ARHGAP30: variants seen among roughly 807,000 people sequenced by gnomAD.
ARHGAP30 encodes rho GTPase-activating protein 30.
In ARHGAP30, 23 loss-of-function variants were observed where a neutral mutation model predicts 72.0. The observed-to-expected ratio is 0.32, with a 90% CI of 0.23 to 0.45. The LOEUF (loss-of-function observed/expected upper bound fraction) is 0.45, where lower values mean the gene tolerates loss of function less well. Ranked by LOEUF, ARHGAP30 falls within the 20% of genes least tolerant of loss-of-function variation. The pLI, the probability that ARHGAP30 is intolerant of heterozygous loss-of-function variation, is 1.00. For missense variants in ARHGAP30, 1,319 were observed against 1,383.4 expected (o/e 0.95, Z 0.74); for synonymous variants, 576 against 528.2 (o/e 1.09, Z -1.24).
rs755221566 is a variant in ARHGAP30, at chr1:161,051,673, G to A, written c.1061C>T (p.Pro354Leu). Residue 354 changes from proline to leucine, a missense_variant, in exon 10 of 12, where the codon CCA becomes CTA. By Grantham distance (98) the Pro-to-Leu change is moderately conservative. Coordinates refer to ENST00000368013, the MANE Select transcript of ARHGAP30 (RefSeq NM_001025598.2). Reference protein sequence around the residue: ...LVGPSSPRPSPLLPESLENDS... With the variant: ...LVGPSSPRPSLLLPESLENDS... ...GTTCTCCAAGCTCTCAGGCAGCAAT[G>A]GGCTTGGCCGGGGGCTGCTGGGCCC... 1 of 1,612,552 alleles carries A rather than the reference G, an allele frequency of 6.2e-7. No individual in the cohort carries two copies. The highest frequency in any genetic ancestry group is 1.7e-5 in the Admixed American group (1 of 60,016).
intron 1 of ARHGAP30, among the ~76,000 whole-genome samples, chr1:161,068,876 T>C (rs912446579): frequency 2.0e-5 from 3 of 152,068 alleles, no homozygotes; most frequent in African/African-American, 7.2e-5. Context: ...CTCTCTTTCA[T>C]TCTTCCCCAT....
Position 161,052,372 on chromosome 1 carries a change from C to G in ARHGAP30, c.941-9G>C, listed in dbSNP as rs763375850. ...CTTGTTGGATTTATCCTCTGTAAGA[C>G]AGGGATGTGTGTAGAGCCAGGGCCT... is the stretch of plus-strand genomic sequence containing the variant. On this transcript the variant is annotated splice_polypyrimidine_tract_variant and intron_variant, in intron 8 of 11. Transcript: ENST00000368013. 6.2e-7 allele frequency: 1 copy of G among 1,614,068 alleles called. No individual in the cohort carries two copies. Among genetic ancestry groups the G allele is most frequent in the Non-Finnish European group, 8.5e-7 (1 of 1,180,022 alleles).
Position 161,053,240 on chromosome 1 carries a change from G to A in ARHGAP30, c.664+18C>T, listed in dbSNP as rs759253254. ...CTCCCCAACAGTGGGATATGTGGAG[G>A]GCAGGAAGGACACTGACCAGAGAGG... On this transcript the variant is annotated intron_variant, in intron 6 of 11. Transcript: ENST00000368013. 1.2e-6 allele frequency: 2 copies of A among 1,613,404 alleles called. No homozygotes were observed. The highest frequency in any genetic ancestry group is 2.2e-5 in the East Asian group (1 of 44,868).
chr1:161,055,886 T>A (rs376885714), intron 3 of ARHGAP30, among the ~76,000 whole-genome samples: 162 of 54,836 alleles, frequency 3.0e-3, no homozygotes, highest in Middle Eastern at 9.4e-3. Flanking sequence ...AAAATAAAAA[T>A]AAATAAAATA....
rs1553217361 is a variant in ARHGAP30 at position 161,053,506 on chromosome 1, C to CTT, written c.537-122_537-121insAA. 1.7e-5 allele frequency: 14 copies of CTT among 842,992 alleles called. No homozygotes were observed. In the African/African-American group the frequency reaches 7.2e-4, roughly 44 times the overall value. 52.2% of individuals were successfully genotyped at this position (842,992 alleles called of 1,614,324 possible). Reference sequence around the variant, plus strand: ...TCTCTCTCTCTCTCTCTCTCTCTCTCGAATGACCTTAACCCCTTCTCTACC... The same window carrying CTT: ...TCTCTCTCTCTCTCTCTCTCTCTCTCTTGAATGACCTTAACCCCTTCTCTACC... On this transcript the variant is annotated intron_variant, in intron 5 of 11. Coordinates refer to ENST00000368013, the MANE Select transcript of ARHGAP30 (RefSeq NM_001025598.2).
In ARHGAP30 at chr1:161,047,610, A is replaced by G; in HGVS notation, c.*105T>C. 1 of 1,274,368 alleles carries G rather than the reference A, an allele frequency of 7.8e-7. No individual in the cohort carries two copies. Among genetic ancestry groups the G allele is most frequent in the African/African-American group, 1.5e-5 (1 of 66,548 alleles). 78.9% of individuals were successfully genotyped at this position (1,274,368 alleles called of 1,614,324 possible). On this transcript the variant is annotated 3_prime_UTR_variant, in exon 12 of 12. Transcript: ENST00000368013. ...GAAGCTGGAGGGCCAAAGCCTATAG[A>G]GTTGGGCACTACAGCTGCTCATGCT...
intron 9 of ARHGAP30, among the ~76,000 whole-genome samples, chr1:161,051,920 C>A (rs2102035297): frequency 6.6e-6 from 1 of 152,090 alleles, no homozygotes; most frequent in South Asian, 2.1e-4. Context: ...CCTTCACATA[C>A]CTAGGGAACT....
rs150017851 is a variant in ARHGAP30, at chr1:161,049,495, C to T, written c.1615G>A (p.Ala539Thr). The T allele has an allele frequency of 1.6e-5, 26 of 1,613,998 alleles. 1 individual carries two copies. In the African/African-American group the frequency reaches 2.3e-4, roughly 14 times the overall value. The change falls in exon 11 of 12, where the codon GCA becomes ACA. Residue 539 changes from alanine to threonine, a missense_variant. Physicochemically the swap from Ala to Thr is moderately conservative, Grantham distance 58. Around this residue, in one of 2 missense-constraint regions of ARHGAP30, gnomAD observed 1,097 missense variants for 1,045.2 expected, o/e 1.05. Coordinates refer to ENST00000368013, the MANE Select transcript of ARHGAP30 (RefSeq NM_001025598.2). Reference protein sequence around the residue: ...GEVAQAEAAGAAFSPGEDDPG... With the variant: ...GEVAQAEAAGTAFSPGEDDPG... ...TCGTCCTCCCCAGGGGAGAAGGCTGCTCCTGCTGCTTCTGCCTGGGCCACC... is the reference window on the plus strand; with the variant it reads ...TCGTCCTCCCCAGGGGAGAAGGCTGTTCCTGCTGCTTCTGCCTGGGCCACC...
Position 161,053,349 on chromosome 1 carries a change from T to G in ARHGAP30, c.573A>C (p.Thr191=). 6.2e-7 allele frequency: 1 copy of G among 1,614,076 alleles called. No homozygotes were observed. The highest frequency in any genetic ancestry group is 8.5e-7 in the Non-Finnish European group (1 of 1,180,038). The change falls in exon 6 of 12, where the codon ACA becomes ACC. Residue 191 remains threonine (T), a synonymous_variant. Coordinates refer to ENST00000368013, the MANE Select transcript of ARHGAP30 (RefSeq NM_001025598.2). ...GTACCCGCACCTCCATGAAGGCCGC[T>G]GTCCCATTGAAGCCTGAGGCCTCTA... ...KDIEASGFNG[T]AAFMEVRVQS...
intron 3 of ARHGAP30, among the ~76,000 whole-genome samples, chr1:161,055,822 TAA>T (rs1163663323): frequency 1.6e-4 from 6 of 38,256 alleles, no homozygotes; most frequent in East Asian, 1.4e-3. Flanking sequence ...TAAAATAAAA[TAA>T]AATAAAATAA....
chr1:161,052,838 A>G, intron 6 of ARHGAP30, 41 bp from the exon 7 acceptor site: 1 of 1,596,526 alleles, frequency 6.3e-7, no homozygotes, highest in Non-Finnish European at 8.5e-7. Context: ...GAACAGAGCC[A>G]AGAGAGGGAC....
chr1:161,069,746 C>T lies in ARHGAP30; in HGVS notation c.-122G>A. 9.2e-7 allele frequency: 1 copy of T among 1,088,208 alleles called. No individual in the cohort carries two copies. The highest frequency in any genetic ancestry group is 1.3e-6 in the Non-Finnish European group (1 of 754,026). 67.4% of individuals were successfully genotyped at this position (1,088,208 alleles called of 1,614,324 possible). ...CCCGGCCCCAGGGGGGCAGGGCTCC[C>T]AATTGGGGGTGGAGGGTGGCCTGGG... On this transcript the variant is annotated 5_prime_UTR_variant, in exon 1 of 12. Transcript: ENST00000368013. The surrounding 1 kb of genome is among the most constrained non-coding windows in gnomAD (Gnocchi z 4.9).
chr1:161,053,083 CAGA>C (rs1216935850), intron 6 of ARHGAP30, 172 bp downstream of exon 6: 10 of 1,005,874 alleles, frequency 9.9e-6, no homozygotes, highest in Admixed American at 8.4e-5. Context: ...AGACTGACAG[CAGA>C]AGAAGTCTTC....
At chr1:161,053,149 A>G (rs1424204689) in intron 6 of ARHGAP30, 109 bp downstream of exon 6, 3 of 1,496,320 alleles carry the variant, frequency 2.0e-6, no homozygotes, top group Non-Finnish European at 1.8e-6. Flanking sequence ...TGTGGCCACT[A>G]CCAACATCCC....
Position 161,048,232 on chromosome 1 carries a change from T to A in ARHGAP30, c.2789A>T (p.Gln930Leu). Reference protein sequence around the residue: ...VGMRLASTLVQVQQVRSVPVV... With the variant: ...VGMRLASTLVLVQQVRSVPVV... ...AGGCACAGAGCGGACCTGTTGGACC[T>A]GAACCAGAGTGGAAGCTAGACGCAT... The change falls in exon 12 of 12, where the codon CAG (glutamine) becomes CTG (leucine). Residue 930 changes from glutamine (Q) to leucine (L), a missense_variant. Coordinates refer to ENST00000368013, the MANE Select transcript of ARHGAP30 (RefSeq NM_001025598.2). 1.2e-6 allele frequency: 2 copies of A among 1,614,176 alleles called. No individual in the cohort carries two copies. The highest frequency in any genetic ancestry group is 1.7e-6 in the Non-Finnish European group (2 of 1,180,020).
chr1:161,067,295 A>G (rs1034500148), intron 1 of ARHGAP30, among the ~76,000 whole-genome samples: 1 of 152,134 alleles, frequency 6.6e-6, no homozygotes. Context: ...ACAATCGGCC[A>G]GGTGCGGTGG....
At chr1:161,053,135 T>C (rs1651543260) in intron 6 of ARHGAP30, 123 bp downstream of exon 6, 2 of 1,404,652 alleles carry the variant, frequency 1.4e-6, no homozygotes, top group African/African-American at 2.9e-5. Flanking sequence ...CAGGGTTCTC[T>C]CCATGTGGCC....
At chr1:161,059,777 A>G (rs1349494235) in intron 1 of ARHGAP30, 61 bp from the exon 2 acceptor site, 10 of 1,421,444 alleles carry the variant, frequency 7.0e-6, no homozygotes, top group Non-Finnish European at 9.7e-6. Flanking sequence ...CAAAGACTGC[A>G]CTGGGTCTGA....
chr1:161,051,551 C>T lies in ARHGAP30; in HGVS notation c.1183G>A (p.Ala395Thr). ...EPGTPRAGRSAIRAGGSSRAE... is the reference protein window; with the variant it reads ...EPGTPRAGRSTIRAGGSSRAE... ...CGGCTGCTGCCCCCAGCCCGGATGGCTGACCGCCCAGCTCGTGGTGTGCCT... is the reference window on the plus strand; with the variant it reads ...CGGCTGCTGCCCCCAGCCCGGATGGTTGACCGCCCAGCTCGTGGTGTGCCT... The change falls in exon 10 of 12, where the codon GCC becomes ACC. Residue 395 changes from alanine (A) to threonine (T), a missense_variant. Coordinates refer to ENST00000368013, the MANE Select transcript of ARHGAP30 (RefSeq NM_001025598.2). 1 of 1,614,150 alleles carries T rather than the reference C, an allele frequency of 6.2e-7. No homozygotes were observed. The highest frequency in any genetic ancestry group is 1.1e-5 in the South Asian group (1 of 91,088).
Sources: gnomAD v4.1 joint callset for allele counts (sites outside exome capture counted in the v4.1 genomes callset) on GRCh38, gnomAD v4.1.1 for gene constraint, gnomAD v4.1.1 regional missense constraint, Gnocchi (gnomAD v3.1) non-coding constraint, MANE v1.5 for transcripts, NCBI Gene and HGNC (gene_info 2026-07-23, HGNC 2026-07-21) for gene names.